Variants in LINC00632 observed in about 807,000 individuals in gnomAD.
LINC00632 encodes the protein long independently transcribed non-coding RNA 632, also known as ALDOA related specific transcript.
At chrX:140,759,834 C>T (rs1358874975) in intron 3 of LINC00632, among the ~76,000 whole-genome samples, 1 of 111,569 alleles carries the variant, frequency 9.0e-6, no homozygotes, top group Non-Finnish European at 1.9e-5. Context: ...TGCTGATAGT[C>T]TAACAAGGGA....
chrX:140,747,743 A>G lies in LINC00632; in HGVS notation n.191+13779A>G, dbSNP rs768976723. 2.7e-5 allele frequency among the ~76,000 whole-genome samples: 3 copies of G among 111,365 alleles called. No homozygotes were observed. In the East Asian group the frequency reaches 8.6e-4, roughly 32 times the overall value. On this transcript the variant is annotated intron_variant and non_coding_transcript_variant, in intron 3 of 4. Transcript: ENST00000648200. ...TGAAGACGTGGAATTAGCTATGGAAAGCAAAATTCCTCTGGCTGTGCCTTT... is the reference window on the plus strand; with the variant it reads ...TGAAGACGTGGAATTAGCTATGGAAGGCAAAATTCCTCTGGCTGTGCCTTT...
exon 5 of LINC00632, chrX:140,784,133 G>A (rs1308729570): frequency 8.3e-7 from 1 of 1,209,006 alleles, no homozygotes; most frequent in Non-Finnish European, 1.1e-6. Flanking sequence ...GAAAATCCTT[G>A]TCTTCCCTCA....
chrX:140,768,604 T>C (rs1456230121), intron 3 of LINC00632, among the ~76,000 whole-genome samples: 1 of 94,878 alleles, frequency 1.1e-5, no homozygotes, highest in African/African-American at 3.8e-5. Flanking sequence ...TATATATAAA[T>C]ATATATTTAT....
exon 5 of LINC00632, chrX:140,783,414 A>C (rs1173672472): frequency 1.8e-6 from 1 of 540,840 alleles, no homozygotes; most frequent in African/African-American, 2.4e-5. Context: ...CACCAAATCC[A>C]GATCTTCCAG....
At chrX:140,776,813 A>G (rs1321297657) in exon 5 of LINC00632, among the ~76,000 whole-genome samples, 3 of 111,293 alleles carry the variant, frequency 2.7e-5, no homozygotes, top group Non-Finnish European at 3.8e-5. Context: ...AAGATTATAG[A>G]TTATTCTATT....
chrX:140,784,200 T>A lies in LINC00632; in HGVS notation n.12219T>A, dbSNP rs1342635953. 2.5e-6 allele frequency: 3 copies of A among 1,211,725 alleles called. No individual in the cohort carries two copies. In the East Asian group the frequency reaches 8.9e-5, roughly 36 times the overall value. ...CAGGAAATCCGTGTCTTCCAGCAAA[T>A]CCACGTCTTCCAACAAAGCCATGTC... On this transcript the variant is annotated non_coding_transcript_exon_variant, in exon 5 of 5. Coordinates refer to ENST00000648200, the Ensembl canonical transcript of LINC00632.
chrX:140,780,837 C>T (rs745809309), exon 5 of LINC00632, among the ~76,000 whole-genome samples: 7 of 111,270 alleles, frequency 6.3e-5, no homozygotes, highest in East Asian at 2.8e-4. Flanking sequence ...GTGACAGAAA[C>T]GTCACTGCCT....
intron 2 of LINC00632, among the ~76,000 whole-genome samples, chrX:140,725,329 A>G (rs1930936448): frequency 1.4e-5 from 1 of 70,522 alleles, no homozygotes; most frequent in Non-Finnish European, 2.9e-5. Context: ...ACACACACAC[A>G]TATTCCATAA....
At chrX:140,737,531 C>T (rs1017410188) in intron 3 of LINC00632, among the ~76,000 whole-genome samples, 5 of 111,199 alleles carry the variant, frequency 4.5e-5, no homozygotes, top group Non-Finnish European at 9.4e-5. Context: ...CTATAGTCAC[C>T]TTACTATGCT....
intron 3 of LINC00632, among the ~76,000 whole-genome samples, chrX:140,746,763 C>A (rs1483760700): frequency 3.6e-5 from 4 of 112,045 alleles, no homozygotes; most frequent in Admixed American, 2.8e-4. Flanking sequence ...TTGCTGGGAG[C>A]AACTAATGAA....
At chrX:140,721,802 A>G (rs985846506) in intron 2 of LINC00632, among the ~76,000 whole-genome samples, 2 of 111,443 alleles carry the variant, frequency 1.8e-5, no homozygotes, top group African/African-American at 6.5e-5. Context: ...ACATACAGAA[A>G]AAAACACATA....
intron 3 of LINC00632, among the ~76,000 whole-genome samples, chrX:140,759,322 TTCCTTCCTTCCTTCCTTCCTTC>T (rs1389105767): frequency 1.7e-4 from 14 of 80,698 alleles, no homozygotes; most frequent in Admixed American, 4.1e-4. Context: ...CCTTCCTTCC[TTCCTTCCTTCCTTCCTTCCTTC>T]CTTTCTTTCT....
chrX:140,716,993 T>A (rs933506057), intron 2 of LINC00632, among the ~76,000 whole-genome samples: 1 of 109,106 alleles, frequency 9.2e-6, no homozygotes, highest in Non-Finnish European at 1.9e-5. Context: ...TCCACAACAT[T>A]TTTTTTTTTG....
rs766362458 is a variant in LINC00632 at position 140,781,189 on chromosome X, G to A, written n.9208G>A. 1.3e-4 allele frequency among the ~76,000 whole-genome samples: 14 copies of A among 111,101 alleles called. No homozygotes were observed. The East Asian group carries it at 3.4e-3, about 27-fold the overall frequency. ...TCCTGACTTCCTCAGCTTTATCTAA[G>A]TACTAAGGGCCTTCAGCGCATAGCT... On this transcript the variant is annotated non_coding_transcript_exon_variant, in exon 5 of 5. Coordinates refer to ENST00000648200, the Ensembl canonical transcript of LINC00632.
chrX:140,717,573 A>G (rs988612895), intron 2 of LINC00632, among the ~76,000 whole-genome samples: 3 of 111,138 alleles, frequency 2.7e-5, no homozygotes, highest in Admixed American at 9.7e-5. Flanking sequence ...ACCCACGCCC[A>G]CAATGCTAAT....
rs1261244496 is a variant in LINC00632 at position 140,756,776 on chromosome X, AT to A, written n.192-15292del. 1.6e-4 allele frequency among the ~76,000 whole-genome samples: 17 copies of A among 109,083 alleles called. No individual in the cohort carries two copies. The South Asian group carries it at 3.9e-3, about 25-fold the overall frequency. 94.7% of individuals were successfully genotyped at this position (109,083 alleles called of 115,157 possible). A position where few individuals can be genotyped will look rare whatever the true frequency, so the allele number is the denominator to read the frequency against. On this transcript the variant is annotated intron_variant and non_coding_transcript_variant, in intron 3 of 4. Coordinates refer to ENST00000648200, the Ensembl canonical transcript of LINC00632. ...AACTGTAATTACAAATCCAAGAAAC[AT>A]TTTTTTTTTCTGGGTAATTACTTTC...
exon 5 of LINC00632, among the ~76,000 whole-genome samples, chrX:140,787,393 T>TAC (rs1164350640): frequency 8.9e-6 from 1 of 111,825 alleles, no homozygotes; most frequent in Non-Finnish European, 1.9e-5. Context: ...ATATATAATT[T>TAC]ACTTACTCCA....
chrX:140,717,200 C>A (rs1285914011), intron 2 of LINC00632, among the ~76,000 whole-genome samples: 2 of 110,531 alleles, frequency 1.8e-5, no homozygotes, highest in Admixed American at 9.7e-5. Flanking sequence ...CCAGGATGGT[C>A]TTGATCTCCT....
At chrX:140,786,955 G>C (rs1188925191) in exon 5 of LINC00632, among the ~76,000 whole-genome samples, 1 of 111,573 alleles carries the variant, frequency 9.0e-6, no homozygotes, top group East Asian at 2.8e-4. Flanking sequence ...CAAATGACTA[G>C]AAGTAAATGT....
Sources: gnomAD v4.1 joint callset for allele counts (sites outside exome capture counted in the v4.1 genomes callset) on GRCh38, gnomAD v4.1.1 for gene constraint, MANE v1.5 for transcripts, NCBI Gene and HGNC (gene_info 2026-07-23, HGNC 2026-07-21) for gene names.